Variants in GRTP1 observed in about 807,000 individuals in gnomAD.
GRTP1 encodes growth hormone regulated TBC protein 1.
A neutral mutation model predicts 38.1 loss-of-function variants in GRTP1; 56 were observed. The observed-to-expected ratio is 1.47, with a 90% CI of 1.19 to 1.84. GRTP1 has a LOEUF of 1.84. Ranked by LOEUF, GRTP1 falls within the 40% of genes most tolerant of loss-of-function variation. The pLI, the probability that GRTP1 is intolerant of heterozygous loss-of-function variation, is 0.00. For missense variants in GRTP1, 506 were observed against 453.9 expected (o/e 1.11, Z -1.04); for synonymous variants, 217 against 189.5 (o/e 1.14, Z -1.19).
chr13:113,361,566 G>C (rs538307308), intron 2 of GRTP1: 2 of 152,148 alleles, frequency 1.3e-5, no homozygotes, highest in Non-Finnish European at 2.9e-5. Flanking sequence ...CAGATTCTCC[G>C]CTGTAACCAA....
intron 5 of GRTP1, among the ~76,000 whole-genome samples, chr13:113,337,619 G>T (rs1455635015): frequency 6.6e-6 from 1 of 152,258 alleles, no homozygotes; most frequent in African/African-American, 2.4e-5. Context: ...TCACACTTAA[G>T]GTGCAAGGCC....
chr13:113,352,529 A>G (rs2043306333), intron 3 of GRTP1, among the ~76,000 whole-genome samples: 1 of 151,304 alleles, frequency 6.6e-6, no homozygotes, highest in African/African-American at 2.4e-5. Flanking sequence ...ACACACCACC[A>G]TGCCTGGGCT....
chr13:113,324,323 G>T lies in GRTP1; in HGVS notation c.*165C>A. ...CATAGCTAATCATCAAAAGCTGGTA[G>T]AATGACCTGATTTTAAACTGCTCTT... On this transcript the variant is annotated 3_prime_UTR_variant, in exon 8 of 8. Transcript: ENST00000375431. 1 of 1,060,938 alleles carries T rather than the reference G, an allele frequency of 9.4e-7. No homozygotes were observed. Among genetic ancestry groups the T allele is most frequent in the Non-Finnish European group, 1.2e-6 (1 of 801,766 alleles). 65.7% of individuals were successfully genotyped at this position (1,060,938 alleles called of 1,614,324 possible). A position where few individuals can be genotyped will look rare whatever the true frequency, so the allele number is the denominator to read the frequency against.
In GRTP1 at chr13:113,341,258, T is replaced by C. The variant is rs540761269; in HGVS notation, c.562+3605A>G. Among the ~76,000 whole-genome samples the C allele has an allele frequency of 1.0e-3, 156 of 152,202 alleles. 1 individual carries two copies. The highest frequency in any genetic ancestry group is 3.6e-3 in the African/African-American group (150 of 41,542). ...GTCTGTGCTTTTATGTATGTGTGTA[T>C]GTATGTATGTTTGTATATATTTATT... is the stretch of plus-strand genomic sequence containing the variant. On this transcript the variant is annotated intron_variant, in intron 5 of 7. Coordinates refer to ENST00000375431, the MANE Select transcript of GRTP1 (RefSeq NM_024719.4).
chr13:113,346,353 C>T (rs866332896), intron 4 of GRTP1, among the ~76,000 whole-genome samples: 162 of 4,992 alleles, frequency 0.032, 30 homozygotes, highest in East Asian at 0.05. Flanking sequence ...AGAGCGGACC[C>T]AGGAGGACCT....
At chr13:113,358,745 T>C (rs2043440868) in intron 2 of GRTP1, among the ~76,000 whole-genome samples, 1 of 151,944 alleles carries the variant, frequency 6.6e-6, no homozygotes, top group African/African-American at 2.4e-5. Context: ...ATGACTAAAA[T>C]AAAAAAACAC....
At chr13:113,330,889 ACCCGGGTGTGTGCATGGGAG>A (rs1555314180) in intron 5 of GRTP1, among the ~76,000 whole-genome samples, 4 of 3,448 alleles carry the variant, frequency 1.2e-3, no homozygotes, top group East Asian at 0.015. Context: ...GTGCATGGAA[ACCCGGGTGTGTGCATGGGAG>A]CCCGGGTGTG....
chr13:113,347,821 T>A (rs1309938690), intron 4 of GRTP1, among the ~76,000 whole-genome samples: 3 of 143,106 alleles, frequency 2.1e-5, no homozygotes, highest in African/African-American at 5.4e-5. Context: ...AGGACCTCTG[T>A]GGCAGAGAGC....
At chr13:113,339,983 T>C in intron 5 of GRTP1, 1 of 152,296 alleles carries the variant, frequency 6.6e-6, no homozygotes, top group Admixed American at 6.5e-5. Context: ...GATGAGAGTT[T>C]CTTTTTTTTA....
At chr13:113,340,149 C>T (rs1000125609) in intron 5 of GRTP1, among the ~76,000 whole-genome samples, 2 of 150,880 alleles carry the variant, frequency 1.3e-5, no homozygotes, top group African/African-American at 4.9e-5. Context: ...GCTGGGACCG[C>T]AGGCATGCAC....
chr13:113,325,461 A>T, intron 7 of GRTP1, 200 bp downstream of exon 7: 3 of 1,449,860 alleles, frequency 2.1e-6, no homozygotes, highest in Non-Finnish European at 2.7e-6. Context: ...AGGGCCAAGA[A>T]GACAGGGCCG....
intron 2 of GRTP1, among the ~76,000 whole-genome samples, chr13:113,362,438 G>A (rs368550043): frequency 2.0e-5 from 3 of 152,186 alleles, no homozygotes; most frequent in East Asian, 1.9e-4. Context: ...TGATGCATTC[G>A]TGGGAAGCAT....
chr13:113,352,355 ATATTTTATATATATATATATATT>A, intron 3 of GRTP1, among the ~76,000 whole-genome samples: 1 of 93,670 alleles, frequency 1.1e-5, no homozygotes, highest in Non-Finnish European at 2.0e-5. Flanking sequence ...ATATTTATAT[ATATTTTATATATATATATATATT>A]TATATATATA....
chr13:113,326,084 G>C lies in GRTP1; in HGVS notation c.570C>G (p.Tyr190Ter), dbSNP rs1186259985. 3.7e-6 allele frequency: 6 copies of C among 1,608,452 alleles called. No homozygotes were observed. The highest frequency in any genetic ancestry group is 4.5e-5 in the East Asian group (2 of 44,830). The change falls in exon 6 of 8, where the codon TAC becomes TAG. Residue 190 changes from tyrosine to a stop codon, truncating the protein, a stop_gained. Coordinates refer to ENST00000375431, the MANE Select transcript of GRTP1 (RefSeq NM_024719.4). LOFTEE classifies it high-confidence loss of function. The part of the protein sequence containing the change: ...ALVGRILPDY[Y>*]SPAMLGLKTD... ...TCTTCAGGCCCAGCATGGCCGGGCT[G>C]TAGTAATCTGCCAGGCAATGTGGAG...
rs553824701 is a variant in GRTP1, at chr13:113,331,564, C to T, written c.563-5473G>A. 9.2e-5 allele frequency among the ~76,000 whole-genome samples: 14 copies of T among 152,100 alleles called. No homozygotes were observed. In the South Asian group the frequency reaches 1.9e-3, roughly 20 times the overall value. On this transcript the variant is annotated intron_variant, in intron 5 of 7. Transcript: ENST00000375431. ...TTCCTGAGAAGACTTCGGCGTGGCA[C>T]AGCCCTTACAGGGCGTGAGCCTTCT...
In GRTP1 at chr13:113,343,323, T is replaced by C. The variant is rs1401859468; in HGVS notation, c.562+1540A>G. Among the ~76,000 whole-genome samples, 5 of 151,982 alleles carry C rather than the reference T, an allele frequency of 3.3e-5. No individual in the cohort carries two copies. The highest frequency in any genetic ancestry group is 7.4e-5 in the Non-Finnish European group (5 of 67,968). On this transcript the variant is annotated intron_variant, in intron 5 of 7. Transcript: ENST00000375431. This position sits in a 1 kb window ranked among gnomAD's most constrained non-coding sequence, Gnocchi z 4.8. ...CCTTTCCGCCCTGCGAGGTTCTGCC[T>C]GCTGCTGCTGCTGCTGCACTGGGTC... is the stretch of plus-strand genomic sequence containing the variant.
At chr13:113,358,843 A>G (rs2043443206) in intron 2 of GRTP1, among the ~76,000 whole-genome samples, 1 of 152,264 alleles carries the variant, frequency 6.6e-6, no homozygotes, top group Non-Finnish European at 1.5e-5. Context: ...GCCACATTGG[A>G]AAGGCGGTTT....
chr13:113,363,198 C>A (rs577356338), intron 2 of GRTP1, among the ~76,000 whole-genome samples: 6 of 152,218 alleles, frequency 3.9e-5, no homozygotes, highest in African/African-American at 1.4e-4. Flanking sequence ...AGCGGCAGGT[C>A]GAGCAGGGCC....
At position 113,324,889 on chromosome 13, in the gene GRTP1, C is replaced by T. The variant is rs1028693671; in HGVS notation, c.922-312G>A. 55 of 832,902 alleles carry T rather than the reference C, an allele frequency of 6.6e-5. No individual in the cohort carries two copies. In the Admixed American group the frequency reaches 1.3e-3, roughly 19 times the overall value. 51.6% of individuals were successfully genotyped at this position (832,902 alleles called of 1,614,324 possible). ...TTGCCCAGGCTGGAGTGCAGTGGCG[C>T]GATCTCGGCTCACTGCAACCTCCGC... is the stretch of plus-strand genomic sequence containing the variant. On this transcript the variant is annotated intron_variant, in intron 7 of 7. Coordinates refer to ENST00000375431, the MANE Select transcript of GRTP1 (RefSeq NM_024719.4).
Sources: gnomAD v4.1 joint callset for allele counts (sites outside exome capture counted in the v4.1 genomes callset) on GRCh38, gnomAD v4.1.1 for gene constraint, Gnocchi (gnomAD v3.1) non-coding constraint, MANE v1.5 for transcripts, NCBI Gene and HGNC (gene_info 2026-07-23, HGNC 2026-07-21) for gene names.